STK11IP: variants seen among roughly 807,000 people sequenced by gnomAD.
STK11IP encodes serine/threonine-protein kinase 11-interacting protein.
In STK11IP, 103 loss-of-function variants were observed where a neutral mutation model predicts 131.7. The ratio of observed to expected loss-of-function variants is 0.78; its 90% confidence interval spans 0.67 to 0.92. The LOEUF (loss-of-function observed/expected upper bound fraction) is 0.92. STK11IP is among the 40% of genes least tolerant of loss of function. The pLI is 0.00. For synonymous variants in STK11IP, 557 were observed against 575.6 expected (o/e 0.97, Z 0.46); for missense variants, 1,315 against 1,385.7 (o/e 0.95, Z 0.81).
chr2:219,616,078 T>C lies in STK11IP; in HGVS notation c.3152T>C (p.Val1051Ala). 12 of 1,613,864 alleles carry C rather than the reference T, an allele frequency of 7.4e-6. No individual in the cohort carries two copies. The highest frequency in any genetic ancestry group is 1.0e-5 in the Non-Finnish European group (12 of 1,179,882). The change falls in exon 25 of 25, where the codon GTG (valine) becomes GCG (alanine). Residue 1051 changes from valine to alanine, a missense_variant. Physicochemically the swap from Val to Ala is moderately conservative, Grantham distance 64. Transcript: ENST00000456909. ...CTGGAGAGCTTTTGGGCACTCCGTG[T>C]GGTGTGTCAGGAGCAGCTGACAGCC... ...SRLESFWALR[V>A]VCQEQLTALL...
intron 23 of STK11IP, 36 bp downstream of exon 23, chr2:219,614,582 C>G: frequency 3.7e-6 from 6 of 1,608,290 alleles, no homozygotes; most frequent in Non-Finnish European, 5.1e-6. Flanking sequence ...TCCCTGGTCT[C>G]TGTACCCTAC....
At chr2:219,603,103 G>A (rs1245578943) in intron 7 of STK11IP, among the ~76,000 whole-genome samples, 2 of 145,874 alleles carry the variant, frequency 1.4e-5, no homozygotes, top group South Asian at 2.2e-4. Context: ...GTGCAGTGGC[G>A]CAATCTCAGC....
chr2:219,609,658 AGTT>A (rs1698328834), intron 17 of STK11IP, 118 bp downstream of exon 17: 3 of 1,215,446 alleles, frequency 2.5e-6, no homozygotes, highest in Non-Finnish European at 3.5e-6. Flanking sequence ...AGTGGAGAGC[AGTT>A]GTTCTGCCTG....
chr2:219,609,759 T>A (rs1698333934), intron 17 of STK11IP: 2 of 514,368 alleles, frequency 3.9e-6, no homozygotes, highest in Admixed American at 3.2e-5. Flanking sequence ...TTTTTTTTTT[T>A]TAACTCTAAA....
At position 219,608,384 on chromosome 2, in the gene STK11IP, G is replaced by A. The variant is rs897057037; in HGVS notation, c.1557G>A (p.Glu519=). Residue 519 remains glutamate, a synonymous_variant, in exon 14 of 25, where the codon GAG becomes GAA. Transcript: ENST00000456909. The stretch of plus-strand genomic sequence containing the variant: ...AGATGGTGGAACAGGGAGAAGAGGA[G>A]GCAGGAGAGGAGGAAGAAGAGGAGC... ...EGEMVEQGEE[E]AGEEEEEEQD... The A allele has an allele frequency of 3.4e-5, 53 of 1,578,772 alleles. No individual in the cohort carries two copies. The highest frequency in any genetic ancestry group is 4.2e-5 in the Non-Finnish European group (49 of 1,162,620).
intron 17 of STK11IP, 161 bp downstream of exon 17, chr2:219,609,701 A>G: frequency 1.3e-6 from 1 of 788,274 alleles, no homozygotes. Context: ...TGCCTGCTGC[A>G]TTTACAAAAA....
At chr2:219,599,531 T>C (rs1488326357) in intron 2 of STK11IP, among the ~76,000 whole-genome samples, 1 of 152,220 alleles carries the variant, frequency 6.6e-6, no homozygotes, top group East Asian at 1.9e-4. Flanking sequence ...GTCTAGTACA[T>C]ACAGAATCCT....
intron 7 of STK11IP, 138 bp from the exon 8 acceptor site, chr2:219,605,470 G>A (rs1698119651): frequency 1.3e-6 from 1 of 776,736 alleles, no homozygotes; most frequent in Admixed American, 2.4e-5. Flanking sequence ...GGGAGTAGGG[G>A]TGGATGAAAT....
intron 15 of STK11IP, 52 bp from the exon 16 acceptor site, chr2:219,609,045 C>T: frequency 7.1e-7 from 1 of 1,398,736 alleles, no homozygotes; most frequent in Non-Finnish European, 9.9e-7. Flanking sequence ...CCCCTCATCC[C>T]TCTGATCACC....
chr2:219,614,123 C>T (rs754523377), intron 21 of STK11IP, 38 bp from the exon 22 acceptor site: 2 of 1,608,422 alleles, frequency 1.2e-6, no homozygotes, highest in Admixed American at 3.3e-5. Flanking sequence ...TGGAGGAGAG[C>T]AGAGCCTTCT....
At chr2:219,598,276 T>A in intron 2 of STK11IP, 96 bp downstream of exon 2, 1 of 884,714 alleles carries the variant, frequency 1.1e-6, no homozygotes, top group Non-Finnish European at 1.7e-6. Flanking sequence ...GAGTTACGAC[T>A]GGTAGGGTCA....
At chr2:219,605,783 T>A (rs1698130276) in intron 8 of STK11IP, 49 bp downstream of exon 8, 1 of 1,572,180 alleles carries the variant, frequency 6.4e-7, no homozygotes, top group African/African-American at 1.4e-5. Context: ...AGGGGGAGAG[T>A]GAGGCTGGGG....
Position 219,611,767 on chromosome 2 carries a change from CAG to C in STK11IP, c.2269_2270del (p.Arg757GlyfsTer13). On this transcript the variant is annotated frameshift_variant, in exon 18 of 25. Transcript: ENST00000456909. LOFTEE classifies it high-confidence loss of function. ...CTCCTGGCCATGGTGACCACCTTGA[CAG>C]GGCCAAGAACAGCCCACCTCAGGCA... is the stretch of plus-strand genomic sequence containing the variant. Reference protein sequence around the residue: ...HPPGHGDHLDRAKNSPPQAPS... With the variant: ...HPPGHGDHLDXAKNSPPQAPS... 1 of 1,613,100 alleles carries C rather than the reference CAG, an allele frequency of 6.2e-7. No homozygotes were observed. Among genetic ancestry groups the C allele is most frequent in the Non-Finnish European group, 8.5e-7 (1 of 1,179,868 alleles).
chr2:219,602,107 C>T (rs1042059004), intron 5 of STK11IP, 24 bp downstream of exon 5: 7 of 1,527,060 alleles, frequency 4.6e-6, no homozygotes, highest in Non-Finnish European at 6.3e-6. Flanking sequence ...GGGGTGAGCT[C>T]AGACACCTCA....
In STK11IP at chr2:219,616,075, G is replaced by A. The variant is rs531254740; in HGVS notation, c.3149G>A (p.Arg1050His). The stretch of plus-strand genomic sequence containing the variant: ...CGGCTGGAGAGCTTTTGGGCACTCC[G>A]TGTGGTGTGTCAGGAGCAGCTGACA... ...VSRLESFWAL[R>H]VVCQEQLTAL... The change falls in exon 25 of 25, where the codon CGT becomes CAT. Residue 1050 changes from arginine (R) to histidine (H), a missense_variant. Physicochemically the swap from Arg to His is conservative, Grantham distance 29. Transcript: ENST00000456909. 2.4e-5 allele frequency: 38 copies of A among 1,613,866 alleles called. 1 individual carries two copies. The Admixed American group carries it at 3.7e-4, about 16-fold the overall frequency.
In STK11IP at chr2:219,608,160, C is replaced by T; in HGVS notation, c.1333C>T (p.Pro445Ser). 6.2e-7 allele frequency: 1 copy of T among 1,613,602 alleles called. No homozygotes were observed. Among genetic ancestry groups the T allele is most frequent in the Non-Finnish European group, 8.5e-7 (1 of 1,179,898 alleles). Residue 445 changes from proline (P) to serine (S), a missense_variant, in exon 14 of 25, where the codon CCG becomes TCG. Physicochemically the swap from Pro to Ser is moderately conservative, Grantham distance 74. Transcript: ENST00000456909. ...SHLEPSGNPLPATPTTSAPSA... is the reference protein window; with the variant it reads ...SHLEPSGNPLSATPTTSAPSA... Reference sequence around the variant, plus strand: ...CCTGGAGCCCTCCGGAAACCCTCTGCCGGCCACCCCCACTACTTCTGCACC... The same window carrying T: ...CCTGGAGCCCTCCGGAAACCCTCTGTCGGCCACCCCCACTACTTCTGCACC...
chr2:219,600,508 G>A (rs895624432), intron 2 of STK11IP, among the ~76,000 whole-genome samples: 9 of 152,286 alleles, frequency 5.9e-5, no homozygotes, highest in Middle Eastern at 3.4e-3. Flanking sequence ...AGCATTCTTT[G>A]ACTCCATACT....
chr2:219,612,962 G>A (rs1329567846), intron 19 of STK11IP, 166 bp from the exon 20 acceptor site: 2 of 602,186 alleles, frequency 3.3e-6, no homozygotes, highest in South Asian at 3.7e-5. Flanking sequence ...GGCAGAGAGC[G>A]GTGGTGGATG....
chr2:219,611,308 A>C (rs1234839652), intron 17 of STK11IP, among the ~76,000 whole-genome samples: 1 of 152,212 alleles, frequency 6.6e-6, no homozygotes, highest in Non-Finnish European at 1.5e-5. Flanking sequence ...AAGAGGGCAT[A>C]AGAGCAGGTC....
Sources: allele counts gnomAD v4.1 joint callset (sites outside exome capture counted in the v4.1 genomes callset), GRCh38; gene constraint gnomAD v4.1.1; transcripts MANE v1.5; gene names NCBI Gene and HGNC (gene_info 2026-07-23, HGNC 2026-07-21).